PPP3CA: variants seen among roughly 807,000 people sequenced by gnomAD.
PPP3CA encodes CAM-PRP catalytic subunit.
Under a neutral mutation model 66.5 loss-of-function variants are expected in PPP3CA, and 14 were observed. The observed-to-expected ratio is 0.21, with a 90% CI of 0.14 to 0.33. The LOEUF (loss-of-function observed/expected upper bound fraction) is 0.33. Ranked by LOEUF, PPP3CA falls within the 10% of genes least tolerant of loss-of-function variation. The pLI is 1.00. For synonymous variants in PPP3CA, 232 were observed against 226.2 expected, an observed-to-expected ratio of 1.03 and a Z score of -0.23; for missense variants, 317 against 639.5, an observed-to-expected ratio of 0.50 and a Z score of 5.44.
At chr4:101,030,806 A>G (rs1433322069) in intron 12 of PPP3CA, among the ~76,000 whole-genome samples, 1 of 152,136 alleles carries the variant, frequency 6.6e-6, no homozygotes, top group African/African-American at 2.4e-5. Flanking sequence ...TAAAGCCCAC[A>G]GTTTCTGATA....
At chr4:101,097,923 T>A (rs909463159) in intron 5 of PPP3CA, among the ~76,000 whole-genome samples, 1 of 152,198 alleles carries the variant, frequency 6.6e-6, no homozygotes, top group African/African-American at 2.4e-5. Context: ...CTTGTTAGAT[T>A]GCTACTTAAA....
At chr4:101,187,814 A>C (rs541939833) in intron 2 of PPP3CA, among the ~76,000 whole-genome samples, 44 of 152,282 alleles carry the variant, frequency 2.9e-4, no homozygotes, top group African/African-American at 9.9e-4. Flanking sequence ...TGAGTTCTGA[A>C]ACTTGCAGCC....
chr4:101,165,602 T>C (rs1010533969), intron 2 of PPP3CA, among the ~76,000 whole-genome samples: 1 of 152,202 alleles, frequency 6.6e-6, no homozygotes, highest in African/African-American at 2.4e-5. Context: ...CATCTGAAAC[T>C]GCTTTGATGT....
At chr4:101,078,962 A>G (rs1166355919) in intron 8 of PPP3CA, among the ~76,000 whole-genome samples, 1 of 152,144 alleles carries the variant, frequency 6.6e-6, no homozygotes, top group Non-Finnish European at 1.5e-5. Context: ...TTTCTTCCCC[A>G]TGGTTACAAC....
intron 1 of PPP3CA, among the ~76,000 whole-genome samples, chr4:101,268,573 C>T (rs1198579208): frequency 1.3e-5 from 2 of 152,162 alleles, no homozygotes; most frequent in Non-Finnish European, 2.9e-5. Flanking sequence ...TAGAGTAACA[C>T]TGTATTTAAC....
At chr4:101,293,503 G>T (rs1728097827) in intron 1 of PPP3CA, among the ~76,000 whole-genome samples, 1 of 152,088 alleles carries the variant, frequency 6.6e-6, no homozygotes, top group African/African-American at 2.4e-5. Context: ...GAGTGTGAAG[G>T]GTGGAGTGAA....
At chr4:101,331,097 A>G (rs893499963) in intron 1 of PPP3CA, among the ~76,000 whole-genome samples, 2 of 152,206 alleles carry the variant, frequency 1.3e-5, no homozygotes, top group African/African-American at 4.8e-5. Context: ...ATAAAAAGAA[A>G]TCCCTAATAA....
rs1317304887 is a variant in PPP3CA at position 101,106,491 on chromosome 4, AAAAGAAAAG to A, written c.384+2454_384+2462del. ...AAAAGAAAAGAAAAGAAAAGAAAAG[AAAAGAAAAG>A]AAAGAAAGAAAGAAAAAGAAAGAAA... On this transcript the variant is annotated intron_variant, in intron 3 of 13. Coordinates refer to ENST00000394854, the MANE Select transcript of PPP3CA (RefSeq NM_000944.5). Among the ~76,000 whole-genome samples, 203 of 79,334 alleles carry A rather than the reference AAAAGAAAAG, an allele frequency of 2.6e-3. 31 individuals are homozygous for A. Among genetic ancestry groups the A allele is most frequent in the East Asian group, 0.013 (47 of 3,538 alleles). 52.0% of individuals were successfully genotyped at this position (79,334 alleles called of 152,430 possible).
At chr4:101,044,356 T>C (rs956464334) in intron 10 of PPP3CA, among the ~76,000 whole-genome samples, 2 of 152,198 alleles carry the variant, frequency 1.3e-5, no homozygotes, top group African/African-American at 4.8e-5. Context: ...ACCTGCAACA[T>C]GCAAAGATAA....
At chr4:101,035,378 A>G (rs541555189) in intron 11 of PPP3CA, among the ~76,000 whole-genome samples, 4 of 152,340 alleles carry the variant, frequency 2.6e-5, no homozygotes, top group African/African-American at 9.6e-5. Context: ...TTAGCTTTTT[A>G]CCTACAAAAC....
intron 1 of PPP3CA, among the ~76,000 whole-genome samples, chr4:101,220,807 C>G (rs1343912779): frequency 6.6e-6 from 1 of 151,600 alleles, no homozygotes; most frequent in Non-Finnish European, 1.5e-5. Context: ...GCAGGTGTGC[C>G]AGTCACAGTT....
chr4:101,173,439 G>A (rs779471423), intron 2 of PPP3CA, among the ~76,000 whole-genome samples: 2 of 151,806 alleles, frequency 1.3e-5, no homozygotes, highest in Non-Finnish European at 2.9e-5. Flanking sequence ...ACACTAGGTC[G>A]TTTCTGCAAT....
At chr4:101,087,497 C>A (rs1200988477) in intron 6 of PPP3CA, among the ~76,000 whole-genome samples, 1 of 152,098 alleles carries the variant, frequency 6.6e-6, no homozygotes, top group African/African-American at 2.4e-5. Context: ...TATGGGTAAC[C>A]AGTATCCTGG....
rs1728203086 is a variant in PPP3CA, at chr4:101,055,867, GTTATAT to G, written c.1156+5214_1156+5219del. 2.0e-5 allele frequency among the ~76,000 whole-genome samples: 3 copies of G among 150,894 alleles called. No individual in the cohort carries two copies. The South Asian group carries it at 6.3e-4, about 31-fold the overall frequency. On this transcript the variant is annotated intron_variant, in intron 10 of 13. Coordinates refer to ENST00000394854, the MANE Select transcript of PPP3CA (RefSeq NM_000944.5). ...TTATTTTACAGTATACTTATATATTGTTATATTTATATTTTATTTTACAGTATATTT... is the reference window on the plus strand; with the variant it reads ...TTATTTTACAGTATACTTATATATTGTTATATTTTATTTTACAGTATATTT...
intron 1 of PPP3CA, among the ~76,000 whole-genome samples, chr4:101,334,521 A>G (rs1560723562): frequency 6.6e-6 from 1 of 152,088 alleles, no homozygotes; most frequent in Non-Finnish European, 1.5e-5. Context: ...GAATAACAGG[A>G]TTTTTTTCCT....
Position 101,209,698 on chromosome 4 carries a change from G to C in PPP3CA, c.59-13582C>G, listed in dbSNP as rs542604352. On this transcript the variant is annotated intron_variant, in intron 1 of 13. Transcript: ENST00000394854. ...GTGGATCACTGTAAAGATAGCCTAT[G>C]TACTGGCCACAAGGTCTACCATCAC... Among the ~76,000 whole-genome samples, 181 of 152,230 alleles carry C rather than the reference G, an allele frequency of 1.2e-3. 1 individual carries two copies. Among genetic ancestry groups the C allele is most frequent in the Non-Finnish European group, 2.3e-3 (156 of 68,010 alleles).
intron 1 of PPP3CA, among the ~76,000 whole-genome samples, chr4:101,240,049 G>GT (rs1306629528): frequency 5.1e-5 from 1 of 19,606 alleles, no homozygotes. Flanking sequence ...TGGGGGGAGC[G>GT]GGGGGGAGGT....
chr4:101,064,025 G>A lies in PPP3CA; in HGVS notation c.956-668C>T, dbSNP rs148723428. ...CTATTTGAAATTATAATCTATTATC[G>A]TTAACTATAGTTACCCTATAGTAGA... On this transcript the variant is annotated intron_variant, in intron 8 of 13. Transcript: ENST00000394854. 9.5e-4 allele frequency among the ~76,000 whole-genome samples: 144 copies of A among 151,892 alleles called. 1 individual carries two copies. The highest frequency in any genetic ancestry group is 3.4e-3 in the African/African-American group (140 of 41,508).
Position 101,124,719 on chromosome 4 carries a change from AAG to A in PPP3CA, c.260-15643_260-15642del, listed in dbSNP as rs1189585167. On this transcript the variant is annotated intron_variant, in intron 2 of 13. Transcript: ENST00000394854. ...AAAGAAAGAAAGAAAGAAAGAAAGA[AAG>A]AAAGAGAAAGAAAGAAAGAAAGAAA... Among the ~76,000 whole-genome samples, 10 of 79,716 alleles carry A rather than the reference AAG, an allele frequency of 1.3e-4. 1 individual carries two copies. The highest frequency in any genetic ancestry group is 4.5e-4 in the African/African-American group (10 of 22,230). The allele number at this position is 79,716 out of a possible 152,430, so 52.3% of individuals were successfully genotyped here.
Sources: allele counts gnomAD v4.1 joint callset (sites outside exome capture counted in the v4.1 genomes callset), GRCh38; gene constraint gnomAD v4.1.1; transcripts MANE v1.5; gene names NCBI Gene and HGNC (gene_info 2026-07-23, HGNC 2026-07-21).